CTIF: variants seen among roughly 807,000 people sequenced by gnomAD.
CTIF encodes CBP80/20-dependent translation initiation factor.
In CTIF, 21 loss-of-function variants were observed where a neutral mutation model predicts 66.0. The observed-to-expected ratio is 0.32, with a 90% CI of 0.23 to 0.46. CTIF has a LOEUF of 0.46. Among genes scored for constraint, CTIF ranks in the 20% least tolerant of loss-of-function variants. The pLI, the probability that CTIF is intolerant of heterozygous loss-of-function variation, is 1.00. For missense variants in CTIF, 739 were observed against 812.7 expected, an observed-to-expected ratio of 0.91 and a Z score of 1.10; for synonymous variants, 345 against 326.4, an observed-to-expected ratio of 1.06 and a Z score of -0.62.
intron 7 of CTIF, among the ~76,000 whole-genome samples, 187 bp from the exon 8 acceptor site, chr18:48,757,732 G>A (rs546911842): frequency 1.1e-4 from 16 of 152,346 alleles, no homozygotes; most frequent in Non-Finnish European, 2.9e-5. Flanking sequence ...GGACCGGTCT[G>A]CCTGTTCTCG....
intron 10 of CTIF, among the ~76,000 whole-genome samples, chr18:48,833,566 A>G (rs1299586605): frequency 6.6e-6 from 1 of 151,740 alleles, no homozygotes; most frequent in East Asian, 1.9e-4. Flanking sequence ...CCCCTTTCCT[A>G]GGTAGGAAGA....
intron 9 of CTIF, among the ~76,000 whole-genome samples, chr18:48,799,013 G>C (rs1039407548): frequency 2.6e-5 from 4 of 152,202 alleles, no homozygotes; most frequent in African/African-American, 9.7e-5. Context: ...GCTGCCACCA[G>C]CGCGTGACTT....
chr18:48,562,616 G>A (rs2089188748), intron 1 of CTIF, among the ~76,000 whole-genome samples: 1 of 152,198 alleles, frequency 6.6e-6, no homozygotes, highest in Non-Finnish European at 1.5e-5. Context: ...GGGGACATCA[G>A]TTTGTTTTGG....
At chr18:48,618,384 G>A (rs2090434787) in intron 1 of CTIF, among the ~76,000 whole-genome samples, 1 of 152,228 alleles carries the variant, frequency 6.6e-6, no homozygotes, top group African/African-American at 2.4e-5. Context: ...TAGTGGTTTG[G>A]TAGAAGTCTG....
At chr18:48,806,022 T>A in intron 9 of CTIF, among the ~76,000 whole-genome samples, 1 of 152,012 alleles carries the variant, frequency 6.6e-6, no homozygotes, top group Admixed American at 6.5e-5. Flanking sequence ...TCAACAGACA[T>A]CAGACCTAGT....
At chr18:48,588,869 C>A (rs996073982) in intron 1 of CTIF, among the ~76,000 whole-genome samples, 1 of 152,202 alleles carries the variant, frequency 6.6e-6, no homozygotes, top group Non-Finnish European at 1.5e-5. Flanking sequence ...CAAGGTCAGA[C>A]TTTTCCCTCT....
intron 10 of CTIF, among the ~76,000 whole-genome samples, chr18:48,836,664 G>A (rs1383938941): frequency 3.3e-5 from 5 of 152,214 alleles, no homozygotes; most frequent in African/African-American, 9.6e-5. Flanking sequence ...GGAGACTGCC[G>A]TTGGTCATGC....
intron 9 of CTIF, among the ~76,000 whole-genome samples, chr18:48,809,628 A>G (rs2068220644): frequency 6.6e-6 from 1 of 152,108 alleles, no homozygotes; most frequent in Admixed American, 6.5e-5. Flanking sequence ...GAAAGCAGTT[A>G]CCTAATTTTT....
Position 48,761,368 on chromosome 18 carries a change from CATTT to C in CTIF, c.1072-21_1072-18del, listed in dbSNP as rs761405553. On this transcript the variant is annotated intron_variant, in intron 8 of 11. Transcript: ENST00000256413. The surrounding 1 kb of genome is among the most constrained non-coding windows in gnomAD (Gnocchi z 4.2). ...GACCTCGGCTTCACTCAGGCACATT[CATTT>C]GTCTCCGACACCCCCAGGATGAAGT... The C allele has an allele frequency of 6.8e-6, 11 of 1,607,020 alleles. No homozygotes were observed. Among genetic ancestry groups the C allele is most frequent in the Admixed American group, 1.7e-5 (1 of 59,884 alleles).
chr18:48,657,560 G>A (rs147456485), intron 3 of CTIF, among the ~76,000 whole-genome samples: 359 of 152,186 alleles, frequency 2.4e-3, no homozygotes, highest in Non-Finnish European at 4.5e-3. Context: ...AGAGCACCCC[G>A]GGGAGCTCTG....
At chr18:48,846,501 G>A (rs927233833) in intron 10 of CTIF, among the ~76,000 whole-genome samples, 3 of 140,220 alleles carry the variant, frequency 2.1e-5, no homozygotes, top group Non-Finnish European at 3.2e-5. Flanking sequence ...AAGGATAGAT[G>A]GATGGATGGA....
intron 6 of CTIF, among the ~76,000 whole-genome samples, chr18:48,683,793 C>T (rs1179366675): frequency 6.6e-6 from 1 of 152,154 alleles, no homozygotes; most frequent in Non-Finnish European, 1.5e-5. Context: ...GTCTGCCAGC[C>T]TGGCCGGGAT....
At chr18:48,551,635 A>C (rs1012431605) in intron 1 of CTIF, among the ~76,000 whole-genome samples, 1 of 152,106 alleles carries the variant, frequency 6.6e-6, no homozygotes, top group Non-Finnish European at 1.5e-5. Context: ...AAAAGTTAGC[A>C]TTCCTCCTGA....
intron 10 of CTIF, among the ~76,000 whole-genome samples, chr18:48,849,191 C>CTTTTTT (rs892473113): frequency 1.8e-4 from 18 of 98,986 alleles, no homozygotes; most frequent in African/African-American, 5.3e-4. Context: ...CTACCAATGC[C>CTTTTTT]TTTTTTTTTT....
chr18:48,631,717 C>T (rs1299301990), intron 2 of CTIF, among the ~76,000 whole-genome samples: 1 of 152,104 alleles, frequency 6.6e-6, no homozygotes, highest in Non-Finnish European at 1.5e-5. Flanking sequence ...GCCTTTAAAC[C>T]ACTCTTGTGA....
In CTIF at chr18:48,758,169, A is replaced by G; in HGVS notation, c.835A>G (p.Asn279Asp). 2 of 1,613,916 alleles carry G rather than the reference A, an allele frequency of 1.2e-6. No individual in the cohort carries two copies. Reference protein sequence around the residue: ...RNAKETMTIENPKLEDTAGDT... With the variant: ...RNAKETMTIEDPKLEDTAGDT... The stretch of plus-strand genomic sequence containing the variant: ...TGCCAAAGAGACCATGACCATCGAG[A>G]ACCCAAAACTGGAGGACACTGCAGG... Residue 279 changes from asparagine (N) to aspartate (D), a missense_variant, in exon 8 of 12, where the codon AAC becomes GAC. Coordinates refer to ENST00000256413, the MANE Select transcript of CTIF (RefSeq NM_014772.3).
intron 3 of CTIF, among the ~76,000 whole-genome samples, chr18:48,662,949 G>A (rs1002617893): frequency 2.0e-5 from 3 of 152,232 alleles, no homozygotes; most frequent in African/African-American, 7.2e-5. Context: ...CTGTAATGGC[G>A]GATGCTGCTG....
intron 1 of CTIF, among the ~76,000 whole-genome samples, chr18:48,585,274 T>A (rs1288615279): frequency 8.5e-5 from 13 of 152,202 alleles, no homozygotes; most frequent in Admixed American, 8.5e-4. Context: ...AATATAGGGA[T>A]GGATAGAGAG....
Position 48,856,194 on chromosome 18 carries a change from C to T in CTIF, c.1528-1394C>T, listed in dbSNP as rs144420203. ...ACGCCCAGAGAGGGTTTCAGGCACT[C>T]GGTGTCAGCACACCAGTGCTGCTGG... On this transcript the variant is annotated intron_variant, in intron 10 of 11. Transcript: ENST00000256413. Among the ~76,000 whole-genome samples, 6 of 152,252 alleles carry T rather than the reference C, an allele frequency of 3.9e-5. No homozygotes were observed. The East Asian group carries it at 5.8e-4, about 15-fold the overall frequency.
Sources: allele counts gnomAD v4.1 joint callset (sites outside exome capture counted in the v4.1 genomes callset), GRCh38; gene constraint gnomAD v4.1.1; non-coding constraint Gnocchi (gnomAD v3.1); transcripts MANE v1.5; gene names NCBI Gene and HGNC (gene_info 2026-07-23, HGNC 2026-07-21).